The following SLC51A variants were observed in gnomAD, a reference collection of about 807,000 sequenced individuals.
The protein encoded by SLC51A is solute carrier family 51 member A.
SLC51A carries 22 observed loss-of-function variants against 34.8 expected under a neutral mutation model. That is an observed-to-expected ratio of 0.63 (90% CI 0.45 to 0.90). The LOEUF is 0.90. SLC51A is among the 40% of genes least tolerant of loss of function. SLC51A has a pLI of 0.00. For missense variants in SLC51A, 371 were observed against 414.8 expected (o/e 0.89, Z 0.92); for synonymous variants, 181 against 176.3 (o/e 1.03, Z -0.21).
intron 6 of SLC51A, 42 bp from the exon 7 acceptor site, chr3:196,229,873 G>A: frequency 6.4e-7 from 1 of 1,559,956 alleles, no homozygotes; most frequent in South Asian, 1.2e-5. Context: ...GAGAGAGAGA[G>A]AGAGCTTGCC....
intron 2 of SLC51A, among the ~76,000 whole-genome samples, chr3:196,226,164 A>T (rs998730451): frequency 6.6e-6 from 1 of 152,112 alleles, no homozygotes; most frequent in Non-Finnish European, 1.5e-5. Flanking sequence ...AGAAAATGTT[A>T]AAAATTAGCC....
intron 7 of SLC51A, among the ~76,000 whole-genome samples, chr3:196,231,722 C>G (rs1043564437): frequency 1.2e-4 from 18 of 152,128 alleles, no homozygotes; most frequent in African/African-American, 4.3e-4. Flanking sequence ...GTGAGCCACG[C>G]CAGCCTTGAA....
chr3:196,224,956 C>T (rs773644744), intron 2 of SLC51A, among the ~76,000 whole-genome samples: 28 of 151,328 alleles, frequency 1.9e-4, no homozygotes, highest in Non-Finnish European at 2.5e-4. Context: ...AAAGAAGACA[C>T]AAATCATCCA....
At chr3:196,232,379 C>T in intron 7 of SLC51A, 40 bp from the exon 8 acceptor site, 2 of 1,530,906 alleles carry the variant, frequency 1.3e-6, no homozygotes, top group Non-Finnish European at 1.8e-6. Flanking sequence ...GCCGTGAGGG[C>T]AGGCCCAGTC....
At chr3:196,229,135 A>G (rs1217442530) in intron 6 of SLC51A, among the ~76,000 whole-genome samples, 2 of 152,198 alleles carry the variant, frequency 1.3e-5, no homozygotes, top group East Asian at 3.9e-4. Context: ...GGAGAGCTCA[A>G]AGGAAGCACC....
At chr3:196,226,760 T>G (rs1577346718) in intron 2 of SLC51A, among the ~76,000 whole-genome samples, 5 of 115,994 alleles carry the variant, frequency 4.3e-5, no homozygotes, top group South Asian at 6.1e-4. Context: ...GGCAACAGAG[T>G]GAGGCTCCGT....
chr3:196,218,111 T>C (rs1430671234), intron 2 of SLC51A, among the ~76,000 whole-genome samples, 175 bp downstream of exon 2: 1 of 152,148 alleles, frequency 6.6e-6, no homozygotes, highest in African/African-American at 2.4e-5. Context: ...AAGGAGTCAG[T>C]GGGTCAAAAG....
chr3:196,229,855 AAGAGAG>A (rs144375332), intron 6 of SLC51A, 54 bp from the exon 7 acceptor site: 308 of 1,393,172 alleles, frequency 2.2e-4, no homozygotes, highest in East Asian at 1.8e-3. Context: ...CATCTCTTGA[AAGAGAG>A]AGAGAGAGAG....
At chr3:196,230,612 G>C (rs907807112) in intron 7 of SLC51A, among the ~76,000 whole-genome samples, 8 of 151,270 alleles carry the variant, frequency 5.3e-5, no homozygotes, top group African/African-American at 1.9e-4. Context: ...AGCCTCCCAA[G>C]TAGCTGGGAT....
chr3:196,230,072 C>A lies in SLC51A; in HGVS notation c.780+11C>A. 1.9e-6 allele frequency: 3 copies of A among 1,596,938 alleles called. No individual in the cohort carries two copies. The highest frequency in any genetic ancestry group is 2.6e-6 in the Non-Finnish European group (3 of 1,172,240). ...TTTGCTCTGTTCCAGGTAACTATAC[C>A]CTGGGAGAGAAAAGATGTTTCATAA... On this transcript the variant is annotated intron_variant, in intron 7 of 8. Transcript: ENST00000296327.
At chr3:196,233,029 C>T (rs1192318809) in intron 8 of SLC51A, 34 bp from the exon 9 acceptor site, 2 of 1,607,572 alleles carry the variant, frequency 1.2e-6, no homozygotes, top group African/African-American at 2.7e-5. Context: ...TGTAACTCAG[C>T]ATAACCTACG....
At chr3:196,224,519 C>T (rs1053791736) in intron 2 of SLC51A, among the ~76,000 whole-genome samples, 3 of 151,430 alleles carry the variant, frequency 2.0e-5, no homozygotes, top group Non-Finnish European at 4.4e-5. Flanking sequence ...TGGCGAAAAC[C>T]GTCTCTACTA....
At position 196,227,689 on chromosome 3, in the gene SLC51A, G is replaced by A. The variant is rs762889907; in HGVS notation, c.314G>A (p.Gly105Asp). 6.2e-7 allele frequency: 1 copy of A among 1,613,918 alleles called. No individual in the cohort carries two copies. Among genetic ancestry groups the A allele is most frequent in the South Asian group, 1.1e-5 (1 of 91,072 alleles). The change falls in exon 4 of 9, where the codon GGT becomes GAT. Residue 105 changes from glycine (G) to aspartate (D), a missense_variant. Gly to Asp is a moderately conservative substitution (Grantham distance 94, BLOSUM62 -1). Coordinates refer to ENST00000296327, the MANE Select transcript of SLC51A (RefSeq NM_152672.6). ...GTGGTGTCTGTGCTGTGCTGCTTTG[G>A]TCTCTGGATCCCTCGTTCCCTGGTG... ...PTVVSVLCCF[G>D]LWIPRSLVLV...
rs760297227 is a variant in SLC51A, at chr3:196,228,180, C to T, written c.428C>T (p.Ala143Val). 2.5e-6 allele frequency: 4 copies of T among 1,614,010 alleles called. No homozygotes were observed. The African/African-American group carries it at 5.3e-5, about 22-fold the overall frequency. The change falls in exon 5 of 9, where the codon GCA becomes GTA. Residue 143 changes from alanine (A) to valine (V), a missense_variant. By Grantham distance (64) the Ala-to-Val change is moderately conservative. Coordinates refer to ENST00000296327, the MANE Select transcript of SLC51A (RefSeq NM_152672.6). This position sits in a 1 kb window ranked among gnomAD's most constrained non-coding sequence, Gnocchi z 4.9. Reference protein sequence around the residue: ...VMVEGFGGKEAVLRTLRDTPM... With the variant: ...VMVEGFGGKEVVLRTLRDTPM... ...GTGGAAGGCTTTGGGGGGAAGGAGG[C>T]AGTGCTGAGGACGCTGAGGGACACC... is the stretch of plus-strand genomic sequence containing the variant.
In SLC51A at chr3:196,227,696, G is replaced by C; in HGVS notation, c.321G>C (p.Trp107Cys). ...CTGTGCTGTGCTGCTTTGGTCTCTG[G>C]ATCCCTCGTTCCCTGGTGCTGGTGG... ...VVSVLCCFGL[W>C]IPRSLVLVEM... The change falls in exon 4 of 9, where the codon TGG (tryptophan) becomes TGC (cysteine). Residue 107 changes from tryptophan (W) to cysteine (C), a missense_variant. Physicochemically the swap from Trp to Cys is radical, Grantham distance 215 (BLOSUM62 -2). Transcript: ENST00000296327. The C allele has an allele frequency of 6.2e-7, 1 of 1,613,878 alleles. No individual in the cohort carries two copies. The highest frequency in any genetic ancestry group is 8.5e-7 in the Non-Finnish European group (1 of 1,179,938).
intron 2 of SLC51A, among the ~76,000 whole-genome samples, chr3:196,223,233 GC>G (rs1426824490): frequency 6.6e-6 from 1 of 151,836 alleles, no homozygotes; most frequent in African/African-American, 2.4e-5. Context: ...TCTATGAAAT[GC>G]AGATGATGAT....
At chr3:196,220,788 G>A (rs1723736651) in intron 2 of SLC51A, among the ~76,000 whole-genome samples, 2 of 152,296 alleles carry the variant, frequency 1.3e-5, no homozygotes, top group Admixed American at 6.5e-5. Flanking sequence ...CAATGGTGAC[G>A]GCACAGCCAG....
chr3:196,228,087 C>T lies in SLC51A; in HGVS notation c.363-28C>T, dbSNP rs538723752. ...TGTCTTTCTCTCTGGCAGCAGACCT[C>T]GTAGGCCCTCTTCTCTCCCCACCCC... On this transcript the variant is annotated intron_variant, in intron 4 of 8. Transcript: ENST00000296327. This position sits in a 1 kb window ranked among gnomAD's most constrained non-coding sequence, Gnocchi z 4.9. 32 of 1,601,748 alleles carry T rather than the reference C, an allele frequency of 2.0e-5. 1 individual carries two copies. Among genetic ancestry groups the T allele is most frequent in the South Asian group, 1.8e-4 (16 of 88,990 alleles).
At chr3:196,223,129 C>T (rs533990478) in intron 2 of SLC51A, among the ~76,000 whole-genome samples, 7 of 151,692 alleles carry the variant, frequency 4.6e-5, no homozygotes, top group Non-Finnish European at 8.8e-5. Context: ...GGCTTAGTCA[C>T]GAATACCTGC....
Sources: gnomAD v4.1 joint callset for allele counts (sites outside exome capture counted in the v4.1 genomes callset) on GRCh38, gnomAD v4.1.1 for gene constraint, Gnocchi (gnomAD v3.1) non-coding constraint, MANE v1.5 for transcripts, NCBI Gene and HGNC (gene_info 2026-07-23, HGNC 2026-07-21) for gene names.